INSL6: variants seen among roughly 807,000 people sequenced by gnomAD.
The protein encoded by INSL6 is insulin like 6.
In INSL6, 16 loss-of-function variants were observed where a neutral mutation model predicts 9.4. The ratio of observed to expected loss-of-function variants is 1.70; its 90% CI spans 1.15 to 2.59. The LOEUF (loss-of-function observed/expected upper bound fraction) is 2.59. Among genes scored for constraint, INSL6 ranks in the 30% most tolerant of loss-of-function variants. INSL6 has a pLI of 0.00. For missense variants in INSL6, 391 were observed against 257.3 expected (o/e 1.52, Z -3.56); for synonymous variants, 154 against 96.9 (o/e 1.59, Z -3.46).
At chr9:5,032,719 T>G in the INSL6 span, among the ~76,000 whole-genome samples, 4 of 151,862 alleles carry the variant, frequency 2.6e-5, no homozygotes, top group Admixed American at 2.0e-4. Context: ...CAAACAGAAA[T>G]GACATCCACA....
chr9:5,118,142 C>G, the INSL6 span, among the ~76,000 whole-genome samples: 9 of 152,184 alleles, frequency 5.9e-5, no homozygotes, highest in Admixed American at 4.6e-4. Flanking sequence ...GCCTGGGCGA[C>G]AGAGCGAGAC....
chr9:5,066,735 A>G, the INSL6 span: 2 of 1,606,916 alleles, frequency 1.2e-6, no homozygotes, highest in South Asian at 1.1e-5. Context: ...GACTGTATGT[A>G]CTTCGATGCA....
At chr9:5,080,643 C>T in the INSL6 span, 3 of 1,603,136 alleles carry the variant, frequency 1.9e-6, no homozygotes, top group African/African-American at 2.7e-5. Context: ...GGCCTTCTTT[C>T]AGAGCCATCA....
the INSL6 span, among the ~76,000 whole-genome samples, chr9:5,092,232 C>T: frequency 6.6e-6 from 1 of 152,094 alleles, no homozygotes; most frequent in Admixed American, 6.6e-5. Flanking sequence ...GAGGATTTAG[C>T]AGTAAACCAA....
the INSL6 span, among the ~76,000 whole-genome samples, chr9:5,073,196 TTGTGATTCAC>T: frequency 6.6e-6 from 1 of 152,244 alleles, no homozygotes; most frequent in Non-Finnish European, 1.5e-5. Flanking sequence ...GTATTGGTGA[TTGTGATTCAC>T]TAATCATACC....
the INSL6 span, among the ~76,000 whole-genome samples, chr9:5,027,109 C>T: frequency 1.5e-3 from 222 of 152,250 alleles, 2 homozygotes; most frequent in South Asian, 3.9e-3. Context: ...AAAATTTGAA[C>T]CAACCTTTCT....
the INSL6 span, among the ~76,000 whole-genome samples, chr9:5,082,443 T>A: frequency 1.3e-5 from 2 of 152,188 alleles, no homozygotes; most frequent in African/African-American, 4.8e-5. Context: ...ATGTCTCGCC[T>A]CCCGCCACAG....
chr9:5,021,813 T>C, the INSL6 span: 5 of 577,396 alleles, frequency 8.7e-6, no homozygotes, highest in Non-Finnish European at 1.2e-5. Flanking sequence ...TGTATGTTTT[T>C]GTAGAGATGA....
the INSL6 span, among the ~76,000 whole-genome samples, chr9:5,076,933 T>C: frequency 6.9e-6 from 1 of 145,046 alleles, no homozygotes; most frequent in Admixed American, 7.0e-5. Flanking sequence ...AAATATGTTT[T>C]ATATATTTTT....
intron 2 of INSL6, among the ~76,000 whole-genome samples, chr9:5,143,247 T>A (rs1450634223): frequency 2.0e-5 from 3 of 150,692 alleles, no homozygotes; most frequent in Non-Finnish European, 4.4e-5. Flanking sequence ...TTTTTTTTTT[T>A]AATAGTTTCA....
chr9:5,095,056 A>G, the INSL6 span: 2 of 152,138 alleles, frequency 1.3e-5, no homozygotes, highest in East Asian at 1.9e-4. Flanking sequence ...TTGATAGAGT[A>G]AACAAGAGAG....
chr9:5,000,064 T>C, the INSL6 span, among the ~76,000 whole-genome samples: 8 of 152,204 alleles, frequency 5.3e-5, no homozygotes, highest in South Asian at 1.7e-3. Context: ...TCATTTCTTT[T>C]GTGAAATGCC....
chr9:5,184,835 G>T (rs1320529706), intron 1 of INSL6, among the ~76,000 whole-genome samples: 2 of 152,104 alleles, frequency 1.3e-5, no homozygotes, highest in East Asian at 3.8e-4. Context: ...TTATTTTCAT[G>T]GCCCTTTCCT....
the INSL6 span, among the ~76,000 whole-genome samples, chr9:4,998,978 C>T: frequency 6.6e-6 from 1 of 150,860 alleles, no homozygotes; most frequent in Admixed American, 6.6e-5. Context: ...CCCGCCACCA[C>T]GCCCGGCTAT....
At chr9:5,138,377 A>G (rs1290680596) in intron 2 of INSL6, among the ~76,000 whole-genome samples, 3 of 152,222 alleles carry the variant, frequency 2.0e-5, no homozygotes, top group Non-Finnish European at 4.4e-5. Flanking sequence ...TGTGGCACAT[A>G]TACACCATGG....
the INSL6 span, chr9:5,041,308 C>A: frequency 1.2e-6 from 1 of 805,356 alleles, no homozygotes; most frequent in Non-Finnish European, 2.1e-6. Context: ...CCAAGAAGCA[C>A]ATCCCGTGCA....
intron 1 of INSL6, among the ~76,000 whole-genome samples, chr9:5,165,913 A>T (rs1825040861): frequency 1.3e-5 from 2 of 152,186 alleles, no homozygotes; most frequent in African/African-American, 4.8e-5. Context: ...CCATGTTCTG[A>T]ACCATGTGAC....
At chr9:5,156,164 A>C (rs1824812116) in intron 2 of INSL6, among the ~76,000 whole-genome samples, 1 of 152,224 alleles carries the variant, frequency 6.6e-6, no homozygotes, top group African/African-American at 2.4e-5. Context: ...AATGAACTTA[A>C]GATACAGAAA....
chr9:5,115,095 A>G, the INSL6 span, among the ~76,000 whole-genome samples: 1 of 152,222 alleles, frequency 6.6e-6, no homozygotes, highest in African/African-American at 2.4e-5. Flanking sequence ...AAACAGCTGC[A>G]TAGCAAAAGA....
Sources: gnomAD v4.1 joint callset for allele counts (sites outside exome capture counted in the v4.1 genomes callset) on GRCh38, gnomAD v4.1.1 for gene constraint, MANE v1.5 for transcripts, NCBI Gene and HGNC (gene_info 2026-07-23, HGNC 2026-07-21) for gene names.